Variants in ZSCAN22 observed in about 807,000 individuals in gnomAD.
ZSCAN22 encodes the protein zinc finger and SCAN domain containing 22, also known as zinc finger and SCAN domain-containing protein 22.
A neutral mutation model predicts 12.4 loss-of-function variants in ZSCAN22; 7 were observed. That is an observed-to-expected ratio of 0.57 (90% CI 0.32 to 1.06). ZSCAN22 has a LOEUF of 1.06. ZSCAN22 is among the 50% of genes least tolerant of loss of function. The pLI, the probability that ZSCAN22 is intolerant of heterozygous loss-of-function variation, is 0.04. For missense variants in ZSCAN22, 576 were observed against 631.7 expected (o/e 0.91, Z 0.94); for synonymous variants, 243 against 255.9 (o/e 0.95, Z 0.48).
At chr19:58,334,108 G>C (rs1182362036) in intron 1 of ZSCAN22, among the ~76,000 whole-genome samples, 1 of 152,182 alleles carries the variant, frequency 6.6e-6, no homozygotes, top group African/African-American at 2.4e-5. Context: ...GGCTACCTGG[G>C]GAACAGAGGG....
rs1005192924 is a variant in ZSCAN22, at chr19:58,329,587, C to T, written c.-52+2473C>T. On this transcript the variant is annotated intron_variant, in intron 1 of 2. Coordinates refer to ENST00000329665, the MANE Select transcript of ZSCAN22 (RefSeq NM_181846.3). This position sits in a 1 kb window ranked among gnomAD's most constrained non-coding sequence, Gnocchi z 4.1. ...GTAGAGAATGTCAAGAAAAGTAATA[C>T]AGTAGTCACCCCTCATCTTCAGTTT... Among the ~76,000 whole-genome samples the T allele has an allele frequency of 6.6e-5, 10 of 152,132 alleles. No homozygotes were observed. Among genetic ancestry groups the T allele is most frequent in the Non-Finnish European group, 1.0e-4 (7 of 68,022 alleles).
chr19:58,332,422 T>A (rs2051738540), intron 1 of ZSCAN22, among the ~76,000 whole-genome samples: 1 of 151,752 alleles, frequency 6.6e-6, no homozygotes, highest in African/African-American at 2.4e-5. Context: ...TACAGGTGCC[T>A]GCCACCACAC....
At chr19:58,331,420 C>G (rs931519377) in intron 1 of ZSCAN22, among the ~76,000 whole-genome samples, 6 of 151,222 alleles carry the variant, frequency 4.0e-5, no homozygotes, top group Middle Eastern at 3.5e-3. Flanking sequence ...TTTCGCCATG[C>G]TGGCCAGGCT....
At position 58,339,028 on chromosome 19, in the gene ZSCAN22, C is replaced by T. The variant is rs753028755; in HGVS notation, c.1178C>T (p.Thr393Met). The change falls in exon 3 of 3, where the codon ACG becomes ATG. Residue 393 changes from threonine (T) to methionine (M), a missense_variant. By Grantham distance (81) the Thr-to-Met change is moderately conservative. Transcript: ENST00000329665. The surrounding 1 kb of genome is among the most constrained non-coding windows in gnomAD (Gnocchi z 5.6). Reference sequence around the variant, plus strand: ...TGTGGGAAAGCCTTCAGCCAGAGCACGCACCTGACTCAACACCAGCGCATC... The same window carrying T: ...TGTGGGAAAGCCTTCAGCCAGAGCATGCACCTGACTCAACACCAGCGCATC... ...DACGKAFSQS[T>M]HLTQHQRIHT... The T allele has an allele frequency of 4.1e-5, 66 of 1,613,962 alleles. No individual in the cohort carries two copies. The highest frequency in any genetic ancestry group is 5.0e-5 in the Admixed American group (3 of 60,016).
rs1405642628 is a variant in ZSCAN22, at chr19:58,329,007, A to G, written c.-52+1893A>G. Reference sequence around the variant, plus strand: ...CTCTGGGAAGAGGACTTAGACTAGTACCAGGTATCTGGGATGACACCTGAG... The same window carrying G: ...CTCTGGGAAGAGGACTTAGACTAGTGCCAGGTATCTGGGATGACACCTGAG... On this transcript the variant is annotated intron_variant, in intron 1 of 2. Coordinates refer to ENST00000329665, the MANE Select transcript of ZSCAN22 (RefSeq NM_181846.3). The surrounding 1 kb of genome is among the most constrained non-coding windows in gnomAD (Gnocchi z 4.1). Among the ~76,000 whole-genome samples, 1 of 152,146 alleles carries G rather than the reference A, an allele frequency of 6.6e-6. No individual in the cohort carries two copies. The highest frequency in any genetic ancestry group is 1.5e-5 in the Non-Finnish European group (1 of 68,028).
At position 58,339,374 on chromosome 19, in the gene ZSCAN22, G is replaced by T; in HGVS notation, c.*48G>T. 6.7e-7 allele frequency: 1 copy of T among 1,494,908 alleles called. No individual in the cohort carries two copies. The allele number at this position is 1,494,908 out of a possible 1,614,324, so 92.6% of individuals were successfully genotyped here. On this transcript the variant is annotated 3_prime_UTR_variant, in exon 3 of 3. Coordinates refer to ENST00000329665, the MANE Select transcript of ZSCAN22 (RefSeq NM_181846.3). This position sits in a 1 kb window ranked among gnomAD's most constrained non-coding sequence, Gnocchi z 5.6. ...TAGCACAGCGTCTTCTCGGAGGCTC[G>T]AGGTCTAAGAGAAACGCTGAGTTCC...
In ZSCAN22 at chr19:58,334,894, T is replaced by G; in HGVS notation, c.92T>G (p.Leu31Arg). The G allele has an allele frequency of 6.2e-7, 1 of 1,613,978 alleles. No individual in the cohort carries two copies. Among genetic ancestry groups the G allele is most frequent in the Non-Finnish European group, 8.5e-7 (1 of 1,180,014 alleles). The change falls in exon 2 of 3, where the codon CTC becomes CGC. Residue 31 changes from leucine (L) to arginine (R), a missense_variant. Physicochemically the swap from Leu to Arg is moderately radical, Grantham distance 102. Coordinates refer to ENST00000329665, the MANE Select transcript of ZSCAN22 (RefSeq NM_181846.3). ...VKVEEEEEAS[L>R]SQGGESSHDH... ...GTGGAGGAGGAAGAGGAAGCCAGCC[T>G]CTCCCAGGGCGGAGAATCCAGCCAT...
intron 1 of ZSCAN22, among the ~76,000 whole-genome samples, chr19:58,331,517 C>CGTT (rs1033676750): frequency 7.0e-5 from 7 of 100,602 alleles, no homozygotes; most frequent in Admixed American, 1.1e-4. Flanking sequence ...GTCCAGCTGA[C>CGTT]GTTATTATTA....
In ZSCAN22 at chr19:58,334,748, G is replaced by A. The variant is rs781296643; in HGVS notation, c.-51-4G>A. 3 of 1,503,150 alleles carry A rather than the reference G, an allele frequency of 2.0e-6. No homozygotes were observed. Among genetic ancestry groups the A allele is most frequent in the African/African-American group, 1.4e-5 (1 of 72,688 alleles). 93.1% of individuals were successfully genotyped at this position (1,503,150 alleles called of 1,614,324 possible). On this transcript the variant is annotated splice_polypyrimidine_tract_variant and splice_region_variant and intron_variant, in intron 1 of 2. Coordinates refer to ENST00000329665, the MANE Select transcript of ZSCAN22 (RefSeq NM_181846.3). ...GTGATGCTGAAGCTCTGACATTCCT[G>A]CAGGCCCAGTTCCAAGGCTCCGGCA...
intron 1 of ZSCAN22, among the ~76,000 whole-genome samples, chr19:58,331,516 ACGTTATTATTAT>A (rs1409833246): frequency 4.4e-4 from 57 of 130,110 alleles, no homozygotes; most frequent in East Asian, 1.3e-3. Flanking sequence ...CGTCCAGCTG[ACGTTATTATTAT>A]TATTATTATT....
chr19:58,332,313 G>A (rs1006761845), intron 1 of ZSCAN22, among the ~76,000 whole-genome samples: 4 of 118,880 alleles, frequency 3.4e-5, no homozygotes, highest in Admixed American at 1.2e-4. Context: ...TACCTCTGTC[G>A]CCAAGGCTGT....
At position 58,329,994 on chromosome 19, in the gene ZSCAN22, A is replaced by G. The variant is rs2051703007; in HGVS notation, c.-52+2880A>G. On this transcript the variant is annotated intron_variant, in intron 1 of 2. Transcript: ENST00000329665. This position sits in a 1 kb window ranked among gnomAD's most constrained non-coding sequence, Gnocchi z 4.1. Reference sequence around the variant, plus strand: ...CTGGCAGTTTCTTAAAAAGTTAAGCATTGCCTACATGCGGCCAGGCGCAGT... The same window carrying G: ...CTGGCAGTTTCTTAAAAAGTTAAGCGTTGCCTACATGCGGCCAGGCGCAGT... Among the ~76,000 whole-genome samples the G allele has an allele frequency of 6.6e-6, 1 of 152,202 alleles. No individual in the cohort carries two copies. Among genetic ancestry groups the G allele is most frequent in the Non-Finnish European group, 1.5e-5 (1 of 68,042 alleles).
intron 1 of ZSCAN22, among the ~76,000 whole-genome samples, chr19:58,333,510 C>G (rs746492088): frequency 1.3e-5 from 2 of 152,170 alleles, no homozygotes; most frequent in African/African-American, 2.4e-5. Context: ...AACTAGAAAA[C>G]CCCCAGTTGT....
rs748262435 is a variant in ZSCAN22, at chr19:58,339,155, A to C, written c.1305A>C (p.Pro435=). 3.7e-6 allele frequency: 6 copies of C among 1,614,188 alleles called. No individual in the cohort carries two copies. The highest frequency in any genetic ancestry group is 1.7e-5 in the Admixed American group (1 of 60,028). The part of the protein sequence containing the change: ...RHLRIHSGEK[P]YQCKVCPKAF... ...TGAGAATCCACTCTGGAGAGAAGCC[A>C]TATCAGTGTAAGGTTTGTCCGAAGG... Residue 435 remains proline (P), a synonymous_variant, in exon 3 of 3, where the codon CCA becomes CCC. Transcript: ENST00000329665. The surrounding 1 kb of genome is among the most constrained non-coding windows in gnomAD (Gnocchi z 5.6).
chr19:58,331,517 CGTTATT>C (rs1215683193), intron 1 of ZSCAN22, among the ~76,000 whole-genome samples: 8 of 100,620 alleles, frequency 8.0e-5, no homozygotes, highest in African/African-American at 3.7e-4. Flanking sequence ...GTCCAGCTGA[CGTTATT>C]ATTATTATTA....
chr19:58,330,256 C>T (rs1172165995), intron 1 of ZSCAN22, among the ~76,000 whole-genome samples: 2 of 152,144 alleles, frequency 1.3e-5, no homozygotes, highest in South Asian at 2.1e-4. Flanking sequence ...CGCCACTGCA[C>T]TCCAGCCTGG....
chr19:58,336,360 G>A (rs1334860474), intron 2 of ZSCAN22, among the ~76,000 whole-genome samples: 1 of 152,154 alleles, frequency 6.6e-6, no homozygotes, highest in East Asian at 1.9e-4. Context: ...ATGTCACAGA[G>A]ACAGGGAGAG....
intron 1 of ZSCAN22, among the ~76,000 whole-genome samples, chr19:58,332,204 C>T (rs1025276920): frequency 6.6e-6 from 1 of 151,578 alleles, no homozygotes; most frequent in Non-Finnish European, 1.5e-5. Flanking sequence ...AAAAGAAATT[C>T]CCAAACCTAT....
Position 58,338,773 on chromosome 19 carries a change from G to A in ZSCAN22, c.923G>A (p.Ser308Asn). 1.2e-6 allele frequency: 2 copies of A among 1,614,192 alleles called. No homozygotes were observed. The highest frequency in any genetic ancestry group is 1.3e-5 in the African/African-American group (1 of 75,058). The change falls in exon 3 of 3, where the codon AGC (serine) becomes AAC (asparagine). Residue 308 changes from serine (S) to asparagine (N), a missense_variant. Physicochemically the swap from Ser to Asn is conservative, Grantham distance 46 (BLOSUM62 1). Transcript: ENST00000329665. This position sits in a 1 kb window ranked among gnomAD's most constrained non-coding sequence, Gnocchi z 5.4. ...GAGTGTGGGAAAGCCTTCAGCCGGA[G>A]CACTCACCTCGCCCAGCACCAGGTT... ...CSECGKAFSRSTHLAQHQVVH... is the reference protein window; with the variant it reads ...CSECGKAFSRNTHLAQHQVVH...
Sources: gnomAD v4.1 joint callset for allele counts (sites outside exome capture counted in the v4.1 genomes callset) on GRCh38, gnomAD v4.1.1 for gene constraint, Gnocchi (gnomAD v3.1) non-coding constraint, MANE v1.5 for transcripts, NCBI Gene and HGNC (gene_info 2026-07-23, HGNC 2026-07-21) for gene names.